MYZAP: variants seen among roughly 807,000 people sequenced by gnomAD.
The protein encoded by MYZAP is myocardial zonula adherens protein.
MYZAP carries 66 observed loss-of-function variants against 69.4 expected under a neutral mutation model. That is an observed-to-expected ratio of 0.95 (90% confidence interval 0.78 to 1.17). MYZAP has a LOEUF of 1.17. Ranked by LOEUF, MYZAP falls within the 50% of genes most tolerant of loss-of-function variation. The probability of loss-of-function intolerance (pLI) is 0.00; values close to 1 mark genes in which losing one functional copy is unlikely to be tolerated. For missense variants in MYZAP, 611 were observed against 556.2 expected (o/e 1.10, Z -0.99); for synonymous variants, 256 against 205.9 (o/e 1.24, Z -2.09).
At chr15:57,627,654 T>C (rs2036239111) in intron 5 of MYZAP, among the ~76,000 whole-genome samples, 1 of 152,170 alleles carries the variant, frequency 6.6e-6, no homozygotes, top group Admixed American at 6.5e-5. Flanking sequence ...CTTGGTTTGA[T>C]TCCATAGAAT....
At chr15:57,629,878 A>G (rs768033320) in intron 6 of MYZAP, 24 bp downstream of exon 6, 4 of 1,600,470 alleles carry the variant, frequency 2.5e-6, no homozygotes, top group Non-Finnish European at 2.6e-6. Context: ...GCCTAGATTT[A>G]TTTTCTATGA....
In MYZAP at chr15:57,648,324, C is replaced by G. The variant is rs2037554686; in HGVS notation, c.1119+8779C>G. ...ATTTTCTTTGGAAATGTCATTGAAT[C>G]TATGTTCTCTTTATTGAAATTGTTC... On this transcript the variant is annotated intron_variant, in intron 10 of 12. Coordinates refer to ENST00000267853, the MANE Select transcript of MYZAP (RefSeq NM_001018100.5). 6.1e-6 allele frequency: 6 copies of G among 985,274 alleles called. No homozygotes were observed. The South Asian group carries it at 2.3e-4, about 39-fold the overall frequency. The allele number at this position is 985,274 out of a possible 1,614,324, so 61.0% of individuals were successfully genotyped here.
chr15:57,612,398 C>T (rs1173377083), intron 2 of MYZAP, among the ~76,000 whole-genome samples: 2 of 152,188 alleles, frequency 1.3e-5, no homozygotes, highest in East Asian at 1.9e-4. Flanking sequence ...CTTATTTCCC[C>T]TAAGAATGCT....
chr15:57,643,640 T>C (rs1480663249), intron 10 of MYZAP, among the ~76,000 whole-genome samples: 1 of 151,956 alleles, frequency 6.6e-6, no homozygotes, highest in African/African-American at 2.4e-5. Context: ...AAGGAAAAAA[T>C]CAACTATTTG....
intron 11 of MYZAP, among the ~76,000 whole-genome samples, chr15:57,672,871 C>G (rs2038933264): frequency 6.6e-6 from 1 of 152,174 alleles, no homozygotes; most frequent in Non-Finnish European, 1.5e-5. Context: ...GATGTCCCCT[C>G]TGAGTTCCCT....
chr15:57,670,611 A>C (rs75256373), intron 11 of MYZAP, among the ~76,000 whole-genome samples: 2 of 151,922 alleles, frequency 1.3e-5, no homozygotes, highest in Non-Finnish European at 2.9e-5. Context: ...ATTTAGAGCT[A>C]CCATTTCATT....
intron 10 of MYZAP, chr15:57,648,448 C>T: frequency 1.0e-6 from 1 of 985,456 alleles, no homozygotes; most frequent in Non-Finnish European, 1.2e-6. Context: ...CACTACCAGT[C>T]ACGAATGCTT....
At chr15:57,648,210 A>G (rs756958930) in intron 10 of MYZAP, 9 of 985,330 alleles carry the variant, frequency 9.1e-6, no homozygotes, top group Non-Finnish European at 1.1e-5. Flanking sequence ...TGTATGTGTT[A>G]TATGTATTAT....
chr15:57,682,315 A>C (rs2039486082), intron 12 of MYZAP, among the ~76,000 whole-genome samples: 1 of 152,186 alleles, frequency 6.6e-6, no homozygotes. Flanking sequence ...CTGCCTGTTT[A>C]GTCACATGGC....
At chr15:57,647,466 T>C in intron 10 of MYZAP, 2 of 985,490 alleles carry the variant, frequency 2.0e-6, no homozygotes, top group Non-Finnish European at 2.4e-6. Flanking sequence ...CTGGCATTTG[T>C]TCTAGCAGCA....
intron 2 of MYZAP, among the ~76,000 whole-genome samples, chr15:57,611,094 T>C (rs919770870): frequency 6.6e-6 from 1 of 152,166 alleles, no homozygotes; most frequent in Non-Finnish European, 1.5e-5. Flanking sequence ...ACTCCCAGTA[T>C]CTACTAGTAT....
chr15:57,624,995 A>G (rs1366769182), intron 4 of MYZAP, among the ~76,000 whole-genome samples: 1 of 151,984 alleles, frequency 6.6e-6, no homozygotes, highest in East Asian at 1.9e-4. Context: ...TCTGACTCAG[A>G]CATGTTAAAC....
chr15:57,595,947 G>A (rs148214439), intron 1 of MYZAP, among the ~76,000 whole-genome samples: 2 of 152,310 alleles, frequency 1.3e-5, no homozygotes, highest in African/African-American at 2.4e-5. Flanking sequence ...AGTTGTGAGG[G>A]TTTGGAACCA....
intron 9 of MYZAP, among the ~76,000 whole-genome samples, chr15:57,638,004 T>C (rs2036916247): frequency 6.6e-6 from 1 of 152,234 alleles, no homozygotes; most frequent in Admixed American, 6.5e-5. Flanking sequence ...ACACATCAAA[T>C]ACTTTCACAA....
intron 10 of MYZAP, among the ~76,000 whole-genome samples, chr15:57,641,100 A>G (rs2037128227): frequency 6.6e-6 from 1 of 152,168 alleles, no homozygotes; most frequent in Non-Finnish European, 1.5e-5. Context: ...AACTGTGAGC[A>G]CTACATTTCT....
intron 4 of MYZAP, among the ~76,000 whole-genome samples, chr15:57,623,958 T>A (rs193178615): frequency 7.9e-5 from 12 of 152,342 alleles, no homozygotes; most frequent in African/African-American, 2.2e-4. Context: ...AGGATTGTTC[T>A]GTGTGTGCAC....
chr15:57,628,081 A>G (rs1438084447), intron 5 of MYZAP, among the ~76,000 whole-genome samples: 1 of 152,228 alleles, frequency 6.6e-6, no homozygotes, highest in Non-Finnish European at 1.5e-5. Flanking sequence ...AGACAAGAGC[A>G]CAGAGGTGTT....
intron 5 of MYZAP, among the ~76,000 whole-genome samples, chr15:57,626,795 A>G (rs2036162595): frequency 6.6e-6 from 1 of 152,222 alleles, no homozygotes; most frequent in African/African-American, 2.4e-5. Context: ...AACAGTTGGT[A>G]TGGCAGCAGT....
intron 11 of MYZAP, among the ~76,000 whole-genome samples, chr15:57,663,964 A>T (rs1438389617): frequency 6.6e-6 from 1 of 152,182 alleles, no homozygotes; most frequent in Non-Finnish European, 1.5e-5. Flanking sequence ...ATATATACAA[A>T]AAAAGTTGCA....
Sources: gnomAD v4.1 joint callset for allele counts (sites outside exome capture counted in the v4.1 genomes callset) on GRCh38, gnomAD v4.1.1 for gene constraint, MANE v1.5 for transcripts, NCBI Gene and HGNC (gene_info 2026-07-23, HGNC 2026-07-21) for gene names.